Variants in TAF4B observed in about 807,000 individuals in gnomAD.
TAF4B encodes the protein transcription initiation factor TFIID subunit 4B.
A neutral mutation model predicts 86.4 loss-of-function variants in TAF4B; 38 were observed. The ratio of observed to expected loss-of-function variants is 0.44; its 90% CI spans 0.34 to 0.58. The LOEUF is 0.58. TAF4B is among the 20% of genes least tolerant of loss of function. TAF4B has a pLI of 0.02. For missense variants in TAF4B, 988 were observed against 1,027.6 expected, an observed-to-expected ratio of 0.96 and a Z score of 0.53; for synonymous variants, 388 against 391.2, an observed-to-expected ratio of 0.99 and a Z score of 0.10.
In TAF4B at chr18:26,315,278, A is replaced by T. The variant is rs1598792655; in HGVS notation, c.1882A>T (p.Asn628Tyr). The part of the protein sequence containing the change: ...DVTSMAGVNL[N>Y]EENACILATN... ...GACTTCTATGGCAGGGGTCAACCTT[A>T]ATGAAGAAAATGCCTGCATCTTAGC... The change falls in exon 10 of 15, where the codon AAT (asparagine) becomes TAT (tyrosine). Residue 628 changes from asparagine (N) to tyrosine (Y), a missense_variant. Physicochemically the swap from Asn to Tyr is moderately radical, Grantham distance 143 (BLOSUM62 -2). Coordinates refer to ENST00000269142, the MANE Select transcript of TAF4B (RefSeq NM_005640.3). 1 of 1,612,860 alleles carries T rather than the reference A, an allele frequency of 6.2e-7. No individual in the cohort carries two copies. The highest frequency in any genetic ancestry group is 8.5e-7 in the Non-Finnish European group (1 of 1,179,876).
chr18:26,242,815 A>T (rs1001676184), intron 1 of TAF4B, among the ~76,000 whole-genome samples: 1 of 152,166 alleles, frequency 6.6e-6, no homozygotes, highest in Admixed American at 6.5e-5. Context: ...GTTTGTCTGT[A>T]AAGGATTTTA....
At chr18:26,274,899 G>A (rs1449667782) in intron 4 of TAF4B, 32 bp from the exon 5 acceptor site, 1 of 1,612,660 alleles carries the variant, frequency 6.2e-7, no homozygotes, top group Middle Eastern at 1.7e-4. Flanking sequence ...ACTAACACTT[G>A]TGTTTGCTTA....
At chr18:26,228,023 T>TA (rs1305020036) in intron 1 of TAF4B, among the ~76,000 whole-genome samples, 1 of 152,240 alleles carries the variant, frequency 6.6e-6, no homozygotes, top group Non-Finnish European at 1.5e-5. Flanking sequence ...ATGCAATTGT[T>TA]ACAGTTGCAA....
At position 26,315,161 on chromosome 18, in the gene TAF4B, T is replaced by TCTCTCTCTCTCTCA. The variant is rs1282068871; in HGVS notation, c.1833-67_1833-66insTCTCTCTCTCTCAC. 163 of 222,920 alleles carry TCTCTCTCTCTCTCA rather than the reference T, an allele frequency of 7.3e-4. 4 individuals are homozygous for TCTCTCTCTCTCTCA. The highest frequency in any genetic ancestry group is 4.1e-3 in the East Asian group (43 of 10,382). 13.8% of individuals were successfully genotyped at this position (222,920 alleles called of 1,614,324 possible). On this transcript the variant is annotated intron_variant, in intron 9 of 14. Coordinates refer to ENST00000269142, the MANE Select transcript of TAF4B (RefSeq NM_005640.3). ...CTCTCTCTCTGTCTCTCTCTCTCTC[T>TCTCTCTCTCTCTCA]CACACACACACACACACACACACAC...
chr18:26,358,678 C>A (rs2057307907), intron 14 of TAF4B, among the ~76,000 whole-genome samples: 1 of 152,106 alleles, frequency 6.6e-6, no homozygotes, highest in Non-Finnish European at 1.5e-5. Flanking sequence ...CCACTGCACT[C>A]CAGCCTGGGC....
intron 7 of TAF4B, 92 bp from the exon 8 acceptor site, chr18:26,292,154 G>A (rs879658012): frequency 6.4e-6 from 9 of 1,398,078 alleles, no homozygotes; most frequent in African/African-American, 1.5e-5. Flanking sequence ...ATTTATGGCT[G>A]GGGGAACACA....
chr18:26,308,724 T>G (rs907794632), intron 9 of TAF4B, among the ~76,000 whole-genome samples: 1 of 151,398 alleles, frequency 6.6e-6, no homozygotes, highest in African/African-American at 2.4e-5. Flanking sequence ...AATACAAAAT[T>G]AGCTGGGTGT....
At chr18:26,308,091 A>G (rs2056814972) in intron 9 of TAF4B, among the ~76,000 whole-genome samples, 1 of 152,032 alleles carries the variant, frequency 6.6e-6, no homozygotes, top group African/African-American at 2.4e-5. Flanking sequence ...CCAAAAACAA[A>G]AAACCCCCCA....
At chr18:26,346,907 G>GTGTA (rs1171773933) in intron 13 of TAF4B, among the ~76,000 whole-genome samples, 10 of 11,220 alleles carry the variant, frequency 8.9e-4, no homozygotes, top group East Asian at 9.6e-3. Context: ...ATATGTGTGT[G>GTGTA]TATATATATA....
At chr18:26,303,044 T>TCCTCCACTTTCATTCCC (rs2056753996) in intron 9 of TAF4B, among the ~76,000 whole-genome samples, 2 of 142,330 alleles carry the variant, frequency 1.4e-5, no homozygotes, top group Non-Finnish European at 1.6e-5. Context: ...TTCCTTTTCT[T>TCCTCCACTTTCATTCCC]CCTCCACTTT....
intron 13 of TAF4B, 115 bp downstream of exon 13, chr18:26,335,346 G>A: frequency 1.1e-6 from 1 of 878,224 alleles, no homozygotes. Flanking sequence ...CAGAAGCCTT[G>A]GGGAAGGACA....
chr18:26,269,102 A>G (rs2056280496), intron 3 of TAF4B, among the ~76,000 whole-genome samples: 1 of 152,132 alleles, frequency 6.6e-6, no homozygotes, highest in Non-Finnish European at 1.5e-5. Context: ...GATTACAGGC[A>G]TGAGCCACCG....
At chr18:26,316,897 C>T (rs569630798) in intron 10 of TAF4B, among the ~76,000 whole-genome samples, 3 of 152,150 alleles carry the variant, frequency 2.0e-5, no homozygotes, top group Non-Finnish European at 4.4e-5. Context: ...GAACAAGTCT[C>T]AGCACTAAAC....
intron 9 of TAF4B, 68 bp from the exon 10 acceptor site, chr18:26,315,161 T>TCTCTCTCTCTCTCTCTCA (rs1282068871): frequency 2.3e-4 from 51 of 222,962 alleles, no homozygotes; most frequent in Admixed American, 1.5e-3. Flanking sequence ...TCTCTCTCTC[T>TCTCTCTCTCTCTCTCTCA]CACACACACA....
intron 13 of TAF4B, 41 bp downstream of exon 13, chr18:26,335,272 G>A: frequency 6.3e-7 from 1 of 1,576,216 alleles, no homozygotes; most frequent in Non-Finnish European, 8.7e-7. Flanking sequence ...TGTGTTTGAG[G>A]GAAGGTTGGC....
At chr18:26,340,801 A>G (rs1298617725) in intron 13 of TAF4B, among the ~76,000 whole-genome samples, 1 of 152,102 alleles carries the variant, frequency 6.6e-6, no homozygotes, top group East Asian at 1.9e-4. Context: ...CACTAACTAA[A>G]TGGTCAAAAT....
chr18:26,232,186 C>T (rs1191875588), intron 1 of TAF4B, among the ~76,000 whole-genome samples: 2 of 152,144 alleles, frequency 1.3e-5, no homozygotes, highest in East Asian at 1.9e-4. Context: ...CTGCAGTCAA[C>T]CCAGGAAGTC....
rs190679272 is a variant in TAF4B at position 26,310,981 on chromosome 18, A to G, written c.1833-4248A>G. Among the ~76,000 whole-genome samples the G allele has an allele frequency of 3.9e-3, 593 of 152,122 alleles. 3 individuals are homozygous for G. The highest frequency in any genetic ancestry group is 5.8e-3 in the Non-Finnish European group (395 of 67,992). On this transcript the variant is annotated intron_variant, in intron 9 of 14. Transcript: ENST00000269142. ...GTTTTTTTTTTAACCACTTAATAGTAATCTTGGAGATTGTCTCATCAGTAC... is the reference window on the plus strand; with the variant it reads ...GTTTTTTTTTTAACCACTTAATAGTGATCTTGGAGATTGTCTCATCAGTAC...
At chr18:26,269,224 A>G (rs2056282294) in intron 3 of TAF4B, among the ~76,000 whole-genome samples, 1 of 151,980 alleles carries the variant, frequency 6.6e-6, no homozygotes, top group Admixed American at 6.5e-5. Flanking sequence ...AAAGTCCTCC[A>G]GTGAGTGTTT....
Sources: allele counts gnomAD v4.1 joint callset (sites outside exome capture counted in the v4.1 genomes callset), GRCh38; gene constraint gnomAD v4.1.1; transcripts MANE v1.5; gene names NCBI Gene and HGNC (gene_info 2026-07-23, HGNC 2026-07-21).